The following CNTNAP2 variants were observed in gnomAD, a reference collection of about 807,000 sequenced individuals.
The protein encoded by CNTNAP2 is contactin associated protein 2.
A neutral mutation model predicts 155.2 loss-of-function variants in CNTNAP2; 98 were observed. The ratio of observed to expected loss-of-function variants is 0.63; its 90% CI spans 0.54 to 0.75. CNTNAP2 has a LOEUF of 0.75. Among genes scored for constraint, CNTNAP2 ranks in the 30% least tolerant of loss-of-function variants. The probability of loss-of-function intolerance (pLI) is 0.00; values close to 1 mark genes in which losing one functional copy is unlikely to be tolerated. For missense variants in CNTNAP2, 1,727 were observed against 1,688.1 expected (o/e 1.02, Z -0.40); for synonymous variants, 651 against 631.2 (o/e 1.03, Z -0.47).
chr7:146,489,800 C>T (rs1797112071), intron 1 of CNTNAP2, among the ~76,000 whole-genome samples: 2 of 151,014 alleles, frequency 1.3e-5, no homozygotes, highest in Admixed American at 1.3e-4. Context: ...GGGTGGTCTC[C>T]AACCCCTGAA....
chr7:148,047,926 CT>C (rs200818716), intron 15 of CNTNAP2, among the ~76,000 whole-genome samples: 13 of 148,852 alleles, frequency 8.7e-5, no homozygotes, highest in Middle Eastern at 3.4e-3. Flanking sequence ...GGGTGCCTTA[CT>C]TTTTTTTTTG....
chr7:146,325,352 G>A (rs1169432078), intron 1 of CNTNAP2, among the ~76,000 whole-genome samples: 1 of 152,036 alleles, frequency 6.6e-6, no homozygotes, highest in Non-Finnish European at 1.5e-5. Flanking sequence ...TAGTAAAAAA[G>A]TCATATTTCT....
intron 17 of CNTNAP2, among the ~76,000 whole-genome samples, chr7:148,169,382 CAT>C (rs1449855586): frequency 1.3e-5 from 2 of 152,146 alleles, no homozygotes; most frequent in African/African-American, 4.8e-5. Flanking sequence ...TAGAAGAAAA[CAT>C]ATTTAAAGTG....
intron 20 of CNTNAP2, among the ~76,000 whole-genome samples, chr7:148,250,000 G>A (rs1013742178): frequency 1.3e-5 from 2 of 152,196 alleles, no homozygotes; most frequent in African/African-American, 2.4e-5. Flanking sequence ...GACAGTCCTC[G>A]TTTCTCTGAG....
chr7:147,530,468 G>A (rs780173609), intron 11 of CNTNAP2, among the ~76,000 whole-genome samples: 18 of 152,098 alleles, frequency 1.2e-4, no homozygotes, highest in South Asian at 6.2e-4. Flanking sequence ...GTGAGCCACC[G>A]CACCCAGCTG....
At chr7:147,761,803 A>G (rs851651) in intron 13 of CNTNAP2, among the ~76,000 whole-genome samples, 34,625 of 152,096 alleles carry the variant, frequency 0.23, 7,897 homozygotes, top group African/African-American at 0.59. Flanking sequence ...CTACTCACAG[A>G]TTAATGATGA....
At chr7:146,741,717 G>C (rs1801719707) in intron 1 of CNTNAP2, among the ~76,000 whole-genome samples, 2 of 152,070 alleles carry the variant, frequency 1.3e-5, no homozygotes, top group African/African-American at 2.4e-5. Flanking sequence ...CAAAATAAAA[G>C]GTTAATATGA....
At chr7:148,175,563 A>G (rs1372694611) in intron 18 of CNTNAP2, among the ~76,000 whole-genome samples, 1 of 152,092 alleles carries the variant, frequency 6.6e-6, no homozygotes, top group Admixed American at 6.6e-5. Flanking sequence ...AGCTGAAGAG[A>G]TCACCCTTCA....
chr7:146,170,466 T>G (rs1798373919), intron 1 of CNTNAP2, among the ~76,000 whole-genome samples: 1 of 152,176 alleles, frequency 6.6e-6, no homozygotes, highest in South Asian at 2.1e-4. Flanking sequence ...TTTTGATAGT[T>G]GATAAATACT....
chr7:146,884,788 G>A (rs1273188806), intron 3 of CNTNAP2, among the ~76,000 whole-genome samples: 1 of 152,070 alleles, frequency 6.6e-6, no homozygotes, highest in Admixed American at 6.6e-5. Context: ...GGGAAGTAGA[G>A]AGTAAATTAC....
intron 1 of CNTNAP2, among the ~76,000 whole-genome samples, chr7:146,281,983 T>C (rs1408519811): frequency 6.6e-6 from 1 of 152,160 alleles, no homozygotes; most frequent in African/African-American, 2.4e-5. Context: ...TATGCCTATA[T>C]GCTTTGTTCC....
At chr7:148,300,651 T>A (rs1338156912) in intron 21 of CNTNAP2, among the ~76,000 whole-genome samples, 1 of 148,662 alleles carries the variant, frequency 6.7e-6, no homozygotes, top group Non-Finnish European at 1.5e-5. Context: ...TTATTCACAA[T>A]AGCAAAAAGG....
chr7:147,769,314 G>T (rs536454281), intron 13 of CNTNAP2, among the ~76,000 whole-genome samples: 1 of 152,048 alleles, frequency 6.6e-6, no homozygotes, highest in African/African-American at 2.4e-5. Flanking sequence ...TACTATGTTC[G>T]CTGGGAGCTG....
chr7:146,312,887 T>G (rs1800849352), intron 1 of CNTNAP2, among the ~76,000 whole-genome samples: 1 of 152,192 alleles, frequency 6.6e-6, no homozygotes, highest in Non-Finnish European at 1.5e-5. Context: ...AATGATAAAA[T>G]TTCCTTCTTT....
Position 146,988,079 on chromosome 7 carries a change from A to T in CNTNAP2, c.403-55828A>T, listed in dbSNP as rs542330612. ...CTATGATTTAGTTTTTAGTTCAATT[A>T]ATATTTTAGCAAATGAGTAAGTTAA... On this transcript the variant is annotated intron_variant, in intron 3 of 23. Coordinates refer to ENST00000361727, the MANE Select transcript of CNTNAP2 (RefSeq NM_014141.6). Among the ~76,000 whole-genome samples the T allele has an allele frequency of 2.0e-5, 3 of 152,240 alleles. No homozygotes were observed. In the East Asian group the frequency reaches 5.8e-4, roughly 29 times the overall value.
chr7:146,928,156 T>C (rs923612583), intron 3 of CNTNAP2, among the ~76,000 whole-genome samples: 1 of 151,954 alleles, frequency 6.6e-6, no homozygotes, highest in African/African-American at 2.4e-5. Context: ...TGTAAAACAA[T>C]GACCAGTGTA....
At chr7:148,278,374 G>A (rs1366057006) in intron 21 of CNTNAP2, among the ~76,000 whole-genome samples, 1 of 152,004 alleles carries the variant, frequency 6.6e-6, no homozygotes, top group African/African-American at 2.4e-5. Context: ...TGACCATCCT[G>A]GCTAACATGG....
intron 13 of CNTNAP2, among the ~76,000 whole-genome samples, chr7:147,802,136 C>T (rs372303578): frequency 0.016 from 2,312 of 146,680 alleles, 67 homozygotes; most frequent in East Asian, 0.14. Flanking sequence ...ACCTCCCAGA[C>T]GGGGTCGCGG....
chr7:146,567,424 A>G (rs1258810971), intron 1 of CNTNAP2, among the ~76,000 whole-genome samples: 1 of 152,204 alleles, frequency 6.6e-6, no homozygotes, highest in African/African-American at 2.4e-5. Flanking sequence ...CAATTTAATT[A>G]TATTTGAAAT....
Sources: allele counts gnomAD v4.1 joint callset (sites outside exome capture counted in the v4.1 genomes callset), GRCh38; gene constraint gnomAD v4.1.1; transcripts MANE v1.5; gene names NCBI Gene and HGNC (gene_info 2026-07-23, HGNC 2026-07-21).